The following SCD5 variants were observed in gnomAD, a reference collection of about 807,000 sequenced individuals.
SCD5 encodes stearoyl-CoA desaturase 5, also known as acyl-CoA-desaturase 4.
Under a neutral mutation model 30.4 loss-of-function variants are expected in SCD5, and 20 were observed. That is an observed-to-expected ratio of 0.66 (90% CI 0.46 to 0.96). The LOEUF (loss-of-function observed/expected upper bound fraction) is 0.96. SCD5 is among the 40% of genes least tolerant of loss of function. The pLI is 0.00. For synonymous variants in SCD5, 173 were observed against 176.4 expected (o/e 0.98, Z 0.16); for missense variants, 381 against 443.3 (o/e 0.86, Z 1.26).
intron 1 of SCD5, among the ~76,000 whole-genome samples, chr4:82,766,838 CA>C (rs1421521017): frequency 6.6e-6 from 1 of 152,094 alleles, no homozygotes; most frequent in African/African-American, 2.4e-5. Flanking sequence ...CCAGCACACC[CA>C]GCTAATTTTT....
intron 3 of SCD5, among the ~76,000 whole-genome samples, chr4:82,650,180 A>G (rs982567092): frequency 6.6e-6 from 1 of 152,180 alleles, no homozygotes; most frequent in Non-Finnish European, 1.5e-5. Flanking sequence ...GTTGTTAGGT[A>G]GTTCAACTGG....
At chr4:82,788,736 G>A (rs1361583487) in intron 1 of SCD5, among the ~76,000 whole-genome samples, 1 of 152,128 alleles carries the variant, frequency 6.6e-6, no homozygotes, top group Non-Finnish European at 1.5e-5. Context: ...TCAGCTGTGA[G>A]GTAACCAGGA....
intron 2 of SCD5, chr4:82,697,925 G>C: frequency 2.2e-6 from 1 of 447,260 alleles, no homozygotes; most frequent in Non-Finnish European, 4.5e-6. Context: ...CAAGCTATTT[G>C]CTCTTTTCTC....
At chr4:82,667,390 C>G (rs11936888) in intron 3 of SCD5, among the ~76,000 whole-genome samples, 42,554 of 151,988 alleles carry the variant, frequency 0.28, 6,335 homozygotes, top group East Asian at 0.4. Context: ...ATTTTTAAAA[C>G]TCATAAAAAG....
intron 1 of SCD5, among the ~76,000 whole-genome samples, chr4:82,718,474 G>A (rs1391892228): frequency 6.6e-6 from 1 of 151,640 alleles, no homozygotes; most frequent in Non-Finnish European, 1.5e-5. Context: ...AGTGGATTCT[G>A]ACCAAACGTT....
At chr4:82,704,001 T>C (rs965042438) in intron 2 of SCD5, among the ~76,000 whole-genome samples, 32 of 152,238 alleles carry the variant, frequency 2.1e-4, no homozygotes, top group Admixed American at 8.5e-4. Context: ...TTATGCTTAA[T>C]AGCTTATTTC....
chr4:82,743,808 C>T (rs1408617512), intron 1 of SCD5, among the ~76,000 whole-genome samples: 1 of 152,074 alleles, frequency 6.6e-6, no homozygotes, highest in Non-Finnish European at 1.5e-5. Context: ...CAGGCATGAC[C>T]ACACCCGGCC....
chr4:82,631,308 T>G lies in SCD5; in HGVS notation c.*19A>C. 1 of 1,607,346 alleles carries G rather than the reference T, an allele frequency of 6.2e-7. No individual in the cohort carries two copies. On this transcript the variant is annotated 3_prime_UTR_variant, in exon 5 of 5. Coordinates refer to ENST00000319540, the MANE Select transcript of SCD5 (RefSeq NM_001037582.3). ...AACCGAGGTTGCAACGGCAGACATG[T>G]GGGATGGCTGTTCCAAGTTCAAGCA...
At chr4:82,742,637 A>G (rs1720900414) in intron 1 of SCD5, among the ~76,000 whole-genome samples, 1 of 152,118 alleles carries the variant, frequency 6.6e-6, no homozygotes, top group African/African-American at 2.4e-5. Flanking sequence ...AAATACAAAA[A>G]TTAGCTGGGC....
rs547110376 is a variant in SCD5, at chr4:82,711,452, G to T, written c.233-6039C>A. ...TATCCAGGATGGCGCGGTGGCTCAT[G>T]CCTATAATCCCAGCACTTTGGAAGG... On this transcript the variant is annotated intron_variant, in intron 1 of 4. Coordinates refer to ENST00000319540, the MANE Select transcript of SCD5 (RefSeq NM_001037582.3). Among the ~76,000 whole-genome samples the T allele has an allele frequency of 3.9e-5, 6 of 152,324 alleles. No individual in the cohort carries two copies. In the South Asian group the frequency reaches 1.2e-3, roughly 32 times the overall value.
chr4:82,749,946 G>A, intron 1 of SCD5, among the ~76,000 whole-genome samples: 1 of 152,180 alleles, frequency 6.6e-6, no homozygotes, highest in East Asian at 1.9e-4. Context: ...CTAAGGGTAG[G>A]AACTCTGGAA....
chr4:82,778,384 A>C (rs750936124), intron 1 of SCD5, among the ~76,000 whole-genome samples: 4 of 152,216 alleles, frequency 2.6e-5, no homozygotes, highest in Non-Finnish European at 4.4e-5. Context: ...GAACTGTCAC[A>C]AAGTTAGTAA....
At chr4:82,775,369 G>A (rs1321360538) in intron 1 of SCD5, 6 of 152,420 alleles carry the variant, frequency 3.9e-5, no homozygotes, top group African/African-American at 7.2e-5. Flanking sequence ...GGAAAGCATC[G>A]GCATAGGTGT....
chr4:82,706,587 A>G (rs1578030595), intron 1 of SCD5, among the ~76,000 whole-genome samples: 2 of 152,384 alleles, frequency 1.3e-5, no homozygotes, highest in East Asian at 1.9e-4. Context: ...GTCTTCCCAG[A>G]CATGAGAATA....
At chr4:82,768,157 G>A (rs1721534106) in intron 1 of SCD5, among the ~76,000 whole-genome samples, 1 of 152,064 alleles carries the variant, frequency 6.6e-6, no homozygotes, top group Non-Finnish European at 1.5e-5. Context: ...TTACAATTTA[G>A]TAATCAAAGC....
chr4:82,769,803 G>A (rs78304244), intron 1 of SCD5, among the ~76,000 whole-genome samples: 7,507 of 152,202 alleles, frequency 0.049, 259 homozygotes, highest in Middle Eastern at 0.095. Context: ...GAGTGAGAGG[G>A]AGGAAGGGGG....
intron 1 of SCD5, among the ~76,000 whole-genome samples, chr4:82,776,601 T>A (rs1341041409): frequency 6.6e-6 from 1 of 152,156 alleles, no homozygotes; most frequent in Non-Finnish European, 1.5e-5. Context: ...CTGCTTGGAA[T>A]TGACCTGTGG....
intron 4 of SCD5, among the ~76,000 whole-genome samples, chr4:82,634,485 T>TC (rs1187379506): frequency 6.3e-5 from 8 of 127,052 alleles, no homozygotes; most frequent in African/African-American, 1.6e-4. Context: ...GCACACCACC[T>TC]CCCCCCCCCA....
Position 82,681,969 on chromosome 4 carries a change from C to T in SCD5, c.364-1057G>A, listed in dbSNP as rs542993193. Among the ~76,000 whole-genome samples, 95 of 152,264 alleles carry T rather than the reference C, an allele frequency of 6.2e-4. 1 individual carries two copies. The South Asian group carries it at 0.019, about 31-fold the overall frequency. The stretch of plus-strand genomic sequence containing the variant: ...TTAAAAAAACCCAAATGGCTACTTC[C>T]CCAAATCTCTGCAAAATACCAAGGC... On this transcript the variant is annotated intron_variant, in intron 2 of 4. Transcript: ENST00000319540.
Sources: allele counts gnomAD v4.1 joint callset (sites outside exome capture counted in the v4.1 genomes callset), GRCh38; gene constraint gnomAD v4.1.1; transcripts MANE v1.5; gene names NCBI Gene and HGNC (gene_info 2026-07-23, HGNC 2026-07-21).